The following RTEL1 variants were observed in gnomAD, a reference collection of about 807,000 sequenced individuals.
RTEL1 encodes regulator of telomere elongation helicase 1.
Under a neutral mutation model 162.2 loss-of-function variants are expected in RTEL1, and 86 were observed. That is an observed-to-expected ratio of 0.53 (90% confidence interval 0.45 to 0.63). The LOEUF (loss-of-function observed/expected upper bound fraction) is 0.63, where lower values mean the gene tolerates loss of function less well. Ranked by LOEUF, RTEL1 falls within the 30% of genes least tolerant of loss-of-function variation. The pLI is 0.00. For synonymous variants in RTEL1, 958 were observed against 717.9 expected, an observed-to-expected ratio of 1.33 and a Z score of -5.35; for missense variants, 1,941 against 1,750.2, an observed-to-expected ratio of 1.11 and a Z score of -1.95.
rs1647684794 is a variant in RTEL1 at position 63,691,732 on chromosome 20, T to G, written c.2557-10T>G. 6.2e-7 allele frequency: 1 copy of G among 1,609,232 alleles called. No homozygotes were observed. Among genetic ancestry groups the G allele is most frequent in the Non-Finnish European group, 8.5e-7 (1 of 1,177,000 alleles). On this transcript the variant is annotated splice_polypyrimidine_tract_variant and intron_variant, in intron 27 of 34. Coordinates refer to ENST00000360203, the MANE Select transcript of RTEL1 (RefSeq NM_001283009.2). Reference sequence around the variant, plus strand: ...GGTCTGTGTGTGGTTGTGAGCTGTGTCCTCCTCAGGCCCACAGCTGCTCCA... The same window carrying G: ...GGTCTGTGTGTGGTTGTGAGCTGTGGCCTCCTCAGGCCCACAGCTGCTCCA...
In RTEL1 at chr20:63,662,709, G is replaced by A. The variant is rs12480249; in HGVS notation, c.477+82G>A. On this transcript the variant is annotated intron_variant, in intron 5 of 34. Transcript: ENST00000360203. ...GTCCAGAGCCCCAGGCTGCGCTCCC[G>A]CTGGGCTAGGGTTTGAAGTTCACTG... The A allele has an allele frequency of 0.073, 117,161 of 1,602,040 alleles. 4,727 individuals carry two copies. Among genetic ancestry groups the A allele is most frequent in the Non-Finnish European group, 0.083 (97,630 of 1,169,852 alleles).
chr20:63,678,709 A>C, intron 12 of RTEL1, among the ~76,000 whole-genome samples: 1 of 117,930 alleles, frequency 8.5e-6, no homozygotes. Flanking sequence ...ACACACTCCC[A>C]CGGAACAGCA....
chr20:63,669,046 C>G (rs1054025474), intron 8 of RTEL1, among the ~76,000 whole-genome samples: 1 of 152,090 alleles, frequency 6.6e-6, no homozygotes, highest in Non-Finnish European at 1.5e-5. Flanking sequence ...TGCAGTGGCA[C>G]CATCTCGGCT....
rs2090677867 is a variant in RTEL1 at position 63,689,636 on chromosome 20, G to A, written c.2013G>A (p.Gly671=). The change falls in exon 23 of 35, where the codon GGG becomes GGA. Residue 671 remains glycine (G), a synonymous_variant. Transcript: ENST00000360203. ...QFLDEMKGQG[G]AGGQFLSGQE... ...TGGATGAGATGAAGGGCCAGGGTGG[G>A]GCTGGGGGCCAGGTGAGTTACAGCA... 6.2e-7 allele frequency: 1 copy of A among 1,609,032 alleles called. No homozygotes were observed. Among genetic ancestry groups the A allele is most frequent in the East Asian group, 2.2e-5 (1 of 44,860 alleles).
chr20:63,680,452 A>G (rs915408493), intron 13 of RTEL1, among the ~76,000 whole-genome samples: 1 of 151,790 alleles, frequency 6.6e-6, no homozygotes, highest in Non-Finnish European at 1.5e-5. Flanking sequence ...CCCCTTGGAG[A>G]CTCTGTCCCT....
At chr20:63,679,099 G>A (rs991283426) in intron 12 of RTEL1, among the ~76,000 whole-genome samples, 7 of 152,186 alleles carry the variant, frequency 4.6e-5, no homozygotes, top group African/African-American at 7.2e-5. Flanking sequence ...GGCCTGGAAC[G>A]TTCTGAACGC....
Position 63,659,375 on chromosome 20 carries a change from C to A in RTEL1, c.-28C>A. 1 of 1,563,250 alleles carries A rather than the reference C, an allele frequency of 6.4e-7. No homozygotes were observed. The highest frequency in any genetic ancestry group is 8.8e-7 in the Non-Finnish European group (1 of 1,133,752). The stretch of plus-strand genomic sequence containing the variant: ...CCGAATAGCCTGCCCCTCAGCCACG[C>A]TCTGTGCCCTTCTGAGAACAGGCTG... On this transcript the variant is annotated 5_prime_UTR_variant, in exon 2 of 35. Coordinates refer to ENST00000360203, the MANE Select transcript of RTEL1 (RefSeq NM_001283009.2).
intron 2 of RTEL1, chr20:63,660,614 T>C (rs757445890): frequency 6.6e-6 from 1 of 152,440 alleles, no homozygotes; most frequent in Non-Finnish European, 1.5e-5. Flanking sequence ...CAAAATGGAG[T>C]GTGTTATGTC....
intron 16 of RTEL1, 114 bp downstream of exon 16, chr20:63,685,986 C>A: frequency 1.1e-6 from 1 of 938,534 alleles, no homozygotes; most frequent in Non-Finnish European, 1.7e-6. Context: ...TGGGCCTGGC[C>A]ACCTTCTCCA....
Position 63,658,431 on chromosome 20 carries a change from CG to C in RTEL1, c.-204del, listed in dbSNP as rs1441416846. ...AGTCGGTTGAGTTCCTGAGGGACCC[CG>C]GTTCTGGAAGGTTCGCCGCGGAGAC... On this transcript the variant is annotated 5_prime_UTR_variant, in exon 1 of 35. Coordinates refer to ENST00000360203, the MANE Select transcript of RTEL1 (RefSeq NM_001283009.2). 1 of 152,434 alleles carries C rather than the reference CG, an allele frequency of 6.6e-6. No homozygotes were observed. Among genetic ancestry groups the C allele is most frequent in the Non-Finnish European group, 1.5e-5 (1 of 68,098 alleles). 9.4% of individuals were successfully genotyped at this position (152,434 alleles called of 1,614,324 possible).
intron 14 of RTEL1, among the ~76,000 whole-genome samples, chr20:63,684,496 G>A (rs1490108939): frequency 6.6e-6 from 1 of 152,158 alleles, no homozygotes; most frequent in Non-Finnish European, 1.5e-5. Context: ...TGGGATTATA[G>A]GCACCTGCCA....
At chr20:63,667,104 G>A (rs1178327662) in intron 7 of RTEL1, among the ~76,000 whole-genome samples, 1 of 152,170 alleles carries the variant, frequency 6.6e-6, no homozygotes, top group Non-Finnish European at 1.5e-5. Flanking sequence ...CTCCCAAAGT[G>A]CTGGGATTAC....
rs1161161069 is a variant in RTEL1 at position 63,694,196 on chromosome 20, C to G, written c.2993-176C>G. On this transcript the variant is annotated intron_variant, in intron 30 of 34. Coordinates refer to ENST00000360203, the MANE Select transcript of RTEL1 (RefSeq NM_001283009.2). ...GCCCGCCACTGTTCCAGCCCCCATC[C>G]AGCAGGCTGGTGTCTCCTCTGATGC... 6 of 625,540 alleles carry G rather than the reference C, an allele frequency of 9.6e-6. No homozygotes were observed. The East Asian group carries it at 1.6e-4, about 17-fold the overall frequency. 38.7% of individuals were successfully genotyped at this position (625,540 alleles called of 1,614,324 possible). A position where few individuals can be genotyped will look rare whatever the true frequency, so the allele number is the denominator to read the frequency against.
intron 8 of RTEL1, among the ~76,000 whole-genome samples, chr20:63,669,339 G>T (rs929536015): frequency 6.6e-6 from 1 of 152,306 alleles, no homozygotes; most frequent in African/African-American, 2.4e-5. Flanking sequence ...AAAGGAACAT[G>T]GGGGAGGTCT....
chr20:63,692,748 C>T, intron 28 of RTEL1, 57 bp from the exon 29 acceptor site: 1 of 1,529,788 alleles, frequency 6.5e-7, no homozygotes, highest in African/African-American at 1.4e-5. Flanking sequence ...GCTCTGCAGC[C>T]CCAGGGACCA....
chr20:63,695,964 C>T lies in RTEL1; in HGVS notation c.*106C>T, dbSNP rs371744822. 1,620 of 1,159,180 alleles carry T rather than the reference C, an allele frequency of 1.4e-3. 33 individuals carry two copies. In the South Asian group the frequency reaches 0.022, roughly 16 times the overall value. The allele number at this position is 1,159,180 out of a possible 1,614,324, so 71.8% of individuals were successfully genotyped here. On this transcript the variant is annotated 3_prime_UTR_variant, in exon 35 of 35. Transcript: ENST00000360203. ...ACAGAATAGGCCAGCCCATGCCAGC[C>T]GGCTTGGCCCGCTGCAGGCCTCAGG...
At chr20:63,662,757 G>C (rs1408762742) in intron 5 of RTEL1, 72 bp from the exon 6 acceptor site, 1 of 1,597,582 alleles carries the variant, frequency 6.3e-7, no homozygotes, top group Admixed American at 1.7e-5. Context: ...GGAGGACCTG[G>C]TGGGGGTGGG....
rs1301531897 is a variant in RTEL1, at chr20:63,666,005, A to T, written c.540A>T (p.Glu180Asp). Residue 180 changes from glutamate to aspartate, a missense_variant and splice_region_variant, in exon 7 of 35, where the codon GAA becomes GAT. Transcript: ENST00000360203. ...RSCHFYNNVE[E>D]KSLEQELASP... Reference sequence around the variant, plus strand: ...TTTACCCCTGCCTCACACCTGCAGAAAAAAGCCTGGAGCAGGAGCTGGCCA... The same window carrying T: ...TTTACCCCTGCCTCACACCTGCAGATAAAAGCCTGGAGCAGGAGCTGGCCA... The T allele has an allele frequency of 1.2e-6, 2 of 1,613,962 alleles. No individual in the cohort carries two copies. Among genetic ancestry groups the T allele is most frequent in the Non-Finnish European group, 1.7e-6 (2 of 1,179,930 alleles).
chr20:63,690,082 C>G lies in RTEL1; in HGVS notation c.2142-5C>G. On this transcript the variant is annotated splice_polypyrimidine_tract_variant and splice_region_variant and intron_variant, in intron 24 of 34. Transcript: ENST00000360203. ...CAGGGCAGCAGGGCTATGGCCACCC[C>G]CCAGGTTCGCCTTTGCCGACGCAAG... 1 of 1,610,304 alleles carries G rather than the reference C, an allele frequency of 6.2e-7. No individual in the cohort carries two copies. Among genetic ancestry groups the G allele is most frequent in the South Asian group, 1.1e-5 (1 of 91,046 alleles).
Sources: allele counts gnomAD v4.1 joint callset (sites outside exome capture counted in the v4.1 genomes callset), GRCh38; gene constraint gnomAD v4.1.1; transcripts MANE v1.5; gene names NCBI Gene and HGNC (gene_info 2026-07-23, HGNC 2026-07-21).